NELL1: variants seen among roughly 807,000 people sequenced by gnomAD.
NELL1 encodes neural EGFL like 1.
A neutral mutation model predicts 107.4 loss-of-function variants in NELL1; 76 were observed. The ratio of observed to expected loss-of-function variants is 0.71; its 90% CI spans 0.59 to 0.86. The LOEUF is 0.86. NELL1 is among the 40% of genes least tolerant of loss of function. The pLI is 0.00. For synonymous variants in NELL1, 353 were observed against 341.2 expected (o/e 1.03, Z -0.38); for missense variants, 1,024 against 1,005.5 (o/e 1.02, Z -0.25).
Position 21,454,280 on chromosome 11 carries a change from AG to A in NELL1, c.1646-80093del, listed in dbSNP as rs774455348. ...AACTCATCATTTTTTATGGCTGCAT[AG>A]TATTCCATGGTGTATATATGCCACA... On this transcript the variant is annotated intron_variant, in intron 15 of 19. Transcript: ENST00000357134. Among the ~76,000 whole-genome samples the A allele has an allele frequency of 2.3e-4, 34 of 150,420 alleles. No individual in the cohort carries two copies. In the East Asian group the frequency reaches 6.6e-3, roughly 29 times the overall value.
intron 13 of NELL1, among the ~76,000 whole-genome samples, chr11:21,211,942 C>G (rs1857506357): frequency 6.6e-6 from 1 of 152,120 alleles, no homozygotes; most frequent in Non-Finnish European, 1.5e-5. Context: ...TCTCGTGCCT[C>G]AGCTTCCTGA....
intron 13 of NELL1, among the ~76,000 whole-genome samples, chr11:21,117,116 A>T (rs1278033673): frequency 6.6e-6 from 1 of 151,576 alleles, no homozygotes; most frequent in Non-Finnish European, 1.5e-5. Context: ...TTGCCCTTTT[A>T]TGGAAGTCTT....
At chr11:20,937,945 A>C (rs868569946) in intron 10 of NELL1, 86 bp downstream of exon 10, 7 of 1,300,566 alleles carry the variant, frequency 5.4e-6, no homozygotes, top group Middle Eastern at 1.8e-4. Context: ...TGAGTGGGGC[A>C]TATTGGCCTG....
chr11:21,071,185 T>G (rs1450021695), intron 12 of NELL1, among the ~76,000 whole-genome samples: 2 of 152,156 alleles, frequency 1.3e-5, no homozygotes, highest in East Asian at 3.9e-4. Context: ...TTGCAAAATA[T>G]AAATAGTAAC....
chr11:21,544,020 G>A (rs952403078), intron 16 of NELL1, among the ~76,000 whole-genome samples: 6 of 151,840 alleles, frequency 4.0e-5, no homozygotes, highest in African/African-American at 1.5e-4. Flanking sequence ...TTCATTCTCA[G>A]TCTTTTGAAT....
intron 12 of NELL1, among the ~76,000 whole-genome samples, chr11:21,092,757 TC>T: frequency 6.6e-6 from 1 of 152,296 alleles, no homozygotes; most frequent in Admixed American, 6.5e-5. Flanking sequence ...TGAATCTACA[TC>T]AAAGTCTACT....
intron 5 of NELL1, among the ~76,000 whole-genome samples, chr11:20,906,624 G>A (rs1447005716): frequency 6.6e-6 from 1 of 152,036 alleles, no homozygotes; most frequent in African/African-American, 2.4e-5. Context: ...GAATCCAACA[G>A]TGTATTAAAA....
intron 12 of NELL1, among the ~76,000 whole-genome samples, chr11:21,016,786 C>T (rs1305576237): frequency 3.9e-5 from 6 of 152,066 alleles, no homozygotes; most frequent in African/African-American, 7.2e-5. Flanking sequence ...CTTAATAGCA[C>T]CTAAGGTCAT....
At chr11:20,860,549 A>G (rs1300465021) in intron 4 of NELL1, among the ~76,000 whole-genome samples, 2 of 152,186 alleles carry the variant, frequency 1.3e-5, no homozygotes, top group South Asian at 2.1e-4. Context: ...GGGTATCATG[A>G]GGTTCAAATG....
At chr11:21,304,919 G>A (rs1849576282) in intron 14 of NELL1, among the ~76,000 whole-genome samples, 1 of 151,930 alleles carries the variant, frequency 6.6e-6, no homozygotes, top group Non-Finnish European at 1.5e-5. Context: ...AAAATATGAT[G>A]TAACAAGAAA....
chr11:21,405,963 A>G lies in NELL1; in HGVS notation c.1645+35015A>G, dbSNP rs185750993. On this transcript the variant is annotated intron_variant, in intron 15 of 19. Coordinates refer to ENST00000357134, the MANE Select transcript of NELL1 (RefSeq NM_006157.5). ...TTGGGGAAACTGAATTCTGATTTCC[A>G]GGGATTTAAAACCACAATTCATAGA... 2.2e-3 allele frequency among the ~76,000 whole-genome samples: 329 copies of G among 152,094 alleles called. 4 individuals carry two copies. The highest frequency in any genetic ancestry group is 7.4e-3 in the African/African-American group (307 of 41,530).
At chr11:20,930,725 A>G (rs1019415260) in intron 9 of NELL1, among the ~76,000 whole-genome samples, 7 of 151,508 alleles carry the variant, frequency 4.6e-5, no homozygotes, top group Admixed American at 6.6e-5. Context: ...TTTGTTTGAT[A>G]GTTTTAGGTT....
At chr11:20,844,625 G>A (rs965389576) in intron 3 of NELL1, among the ~76,000 whole-genome samples, 12 of 152,058 alleles carry the variant, frequency 7.9e-5, no homozygotes, top group Admixed American at 2.6e-4. Context: ...GCAGCGCCAC[G>A]TGGCTCCTAT....
intron 5 of NELL1, among the ~76,000 whole-genome samples, chr11:20,904,700 G>A (rs1849954852): frequency 6.6e-6 from 1 of 152,132 alleles, no homozygotes; most frequent in Non-Finnish European, 1.5e-5. Context: ...CTGGCTAAGT[G>A]TTGAAGGAGG....
rs1458520187 is a variant in NELL1, at chr11:20,774,641, T to A, written c.185-9039T>A. ...TCATGAATAGAAGGTGTGTCTTAGT[T>A]TTTTGTCCACAGTGCTGGTTCAGGG... On this transcript the variant is annotated intron_variant, in intron 2 of 19. Transcript: ENST00000357134. 2.6e-5 allele frequency among the ~76,000 whole-genome samples: 4 copies of A among 152,240 alleles called. No individual in the cohort carries two copies. In the East Asian group the frequency reaches 7.8e-4, roughly 30 times the overall value.
intron 15 of NELL1, among the ~76,000 whole-genome samples, chr11:21,464,063 A>T (rs904486713): frequency 6.6e-6 from 1 of 152,064 alleles, no homozygotes; most frequent in Non-Finnish European, 1.5e-5. Flanking sequence ...CCTGGTGGGC[A>T]GGGCTCCAAA....
intron 14 of NELL1, among the ~76,000 whole-genome samples, chr11:21,230,447 T>C (rs564086000): frequency 1.3e-5 from 2 of 152,362 alleles, no homozygotes; most frequent in African/African-American, 4.8e-5. Context: ...TTGTTCACTA[T>C]GTGTTAATTC....
chr11:21,528,023 CCAAT>C (rs913297274), intron 15 of NELL1, among the ~76,000 whole-genome samples: 1 of 152,108 alleles, frequency 6.6e-6, no homozygotes, highest in Admixed American at 6.5e-5. Flanking sequence ...ATCCTTCAGT[CCAAT>C]CAAATTGACA....
In NELL1 at chr11:21,010,595, A is replaced by C. The variant is rs536772599; in HGVS notation, c.1300+50035A>C. 5.1e-4 allele frequency among the ~76,000 whole-genome samples: 77 copies of C among 152,224 alleles called. 1 individual carries two copies. The highest frequency in any genetic ancestry group is 4.6e-3 in the South Asian group (22 of 4,814). On this transcript the variant is annotated intron_variant, in intron 12 of 19. Transcript: ENST00000357134. ...TGGTTTCCTTCTTCCTCAAAATCAAAGTGGTAATACTCGCTGTCTAGAAAG... is the reference window on the plus strand; with the variant it reads ...TGGTTTCCTTCTTCCTCAAAATCAACGTGGTAATACTCGCTGTCTAGAAAG...
Sources: gnomAD v4.1 joint callset for allele counts (sites outside exome capture counted in the v4.1 genomes callset) on GRCh38, gnomAD v4.1.1 for gene constraint, MANE v1.5 for transcripts, NCBI Gene and HGNC (gene_info 2026-07-23, HGNC 2026-07-21) for gene names.